The following TRPM3 variants were observed in gnomAD, a reference collection of about 807,000 sequenced individuals.
TRPM3 encodes the protein transient receptor potential cation channel subfamily M member 3.
In TRPM3, 77 loss-of-function variants were observed where a neutral mutation model predicts 181.2. The observed-to-expected ratio is 0.42, with a 90% CI of 0.35 to 0.51. The LOEUF is 0.51. Ranked by LOEUF, TRPM3 falls within the 20% of genes least tolerant of loss-of-function variation. TRPM3 has a pLI of 0.01. For missense variants in TRPM3, 1,759 were observed against 2,196.7 expected, an observed-to-expected ratio of 0.80 and a Z score of 3.98; for synonymous variants, 745 against 796.4, an observed-to-expected ratio of 0.94 and a Z score of 1.09.
At chr9:71,020,186 GACA>G (rs2097832680) in intron 1 of TRPM3, among the ~76,000 whole-genome samples, 1 of 151,910 alleles carries the variant, frequency 6.6e-6, no homozygotes, top group African/African-American at 2.4e-5. Flanking sequence ...TGATACACTG[GACA>G]ACATTAAAAA....
At chr9:70,843,265 A>G in intron 4 of TRPM3, 138 bp from the exon 5 acceptor site, 1 of 877,834 alleles carries the variant, frequency 1.1e-6, no homozygotes, top group Non-Finnish European at 1.7e-6. Context: ...TATACAAACT[A>G]CTTGTATTTA....
intron 1 of TRPM3, among the ~76,000 whole-genome samples, chr9:71,443,563 T>G (rs535327592): frequency 6.6e-6 from 1 of 152,282 alleles, no homozygotes. Flanking sequence ...ACTGTAGGCC[T>G]GCCATACTCC....
At chr9:70,650,075 A>G (rs1589790078) in intron 9 of TRPM3, among the ~76,000 whole-genome samples, 1 of 152,164 alleles carries the variant, frequency 6.6e-6, no homozygotes, top group African/African-American at 2.4e-5. Flanking sequence ...CCAAATGTCA[A>G]TGTTCTCACT....
chr9:71,159,979 T>A (rs1238305180), intron 1 of TRPM3, among the ~76,000 whole-genome samples: 1 of 152,096 alleles, frequency 6.6e-6, no homozygotes, highest in East Asian at 1.9e-4. Context: ...AAACCTTCTA[T>A]CAGACCCTAT....
At chr9:70,828,975 G>A (rs1469770392) in intron 5 of TRPM3, among the ~76,000 whole-genome samples, 1 of 152,032 alleles carries the variant, frequency 6.6e-6, no homozygotes, top group Non-Finnish European at 1.5e-5. Context: ...TAAGATGATG[G>A]GTTGGAAATC....
At chr9:70,615,173 T>G (rs2062595106) in intron 18 of TRPM3, among the ~76,000 whole-genome samples, 1 of 152,198 alleles carries the variant, frequency 6.6e-6, no homozygotes, top group Non-Finnish European at 1.5e-5. Flanking sequence ...ACAGCAATGG[T>G]CATTGGTGGG....
At chr9:71,137,705 G>A (rs899156971) in intron 1 of TRPM3, among the ~76,000 whole-genome samples, 1 of 152,200 alleles carries the variant, frequency 6.6e-6, no homozygotes, top group African/African-American at 2.4e-5. Context: ...ATGCAAGAGA[G>A]TTCTGTAAAA....
At chr9:71,429,534 C>A (rs1420289990) in intron 1 of TRPM3, among the ~76,000 whole-genome samples, 2 of 152,166 alleles carry the variant, frequency 1.3e-5, no homozygotes, top group Non-Finnish European at 2.9e-5. Context: ...CATGTCACTG[C>A]AGTTGAATCT....
chr9:71,089,219 CATT>C (rs1039629349), intron 1 of TRPM3, among the ~76,000 whole-genome samples: 2 of 147,402 alleles, frequency 1.4e-5, no homozygotes, highest in African/African-American at 5.0e-5. Context: ...TCATATATAA[CATT>C]ATATTTGCTT....
intron 1 of TRPM3, among the ~76,000 whole-genome samples, chr9:71,184,632 T>G (rs535727489): frequency 1.1e-4 from 17 of 152,258 alleles, no homozygotes; most frequent in African/African-American, 3.6e-4. Context: ...AGTGTTAACC[T>G]AGAACTAGCC....
rs766892514 is a variant in TRPM3 at position 70,843,118 on chromosome 9, C to T, written c.686G>A (p.Arg229His). The stretch of plus-strand genomic sequence containing the variant: ...ATCCTTCAAGGCATCGCCAACATGA[C>T]GAATAACACCTAAAAAAAAAAGAGA... Reference protein sequence around the residue: ...FTGGVNTGVIRHVGDALKDHA... With the variant: ...FTGGVNTGVIHHVGDALKDHA... Residue 229 changes from arginine (R) to histidine (H), a missense_variant, in exon 5 of 26, where the codon CGT (arginine) becomes CAT (histidine). This residue lies in a region of TRPM3 where 737 missense variants were observed against 957.4 expected (regional missense o/e 0.77). Transcript: ENST00000677713. 29 of 1,548,076 alleles carry T rather than the reference C, an allele frequency of 1.9e-5. No individual in the cohort carries two copies. In the East Asian group the frequency reaches 2.3e-4, roughly 12 times the overall value.
In TRPM3 at chr9:71,046,142, C is replaced by T. The variant is rs192587516; in HGVS notation, c.177+75036G>A. Reference sequence around the variant, plus strand: ...AGTAGCTGCAATTACAAGCGCCCCACGCCCGGCTAATTTTTTGTATTTTTA... The same window carrying T: ...AGTAGCTGCAATTACAAGCGCCCCATGCCCGGCTAATTTTTTGTATTTTTA... On this transcript the variant is annotated intron_variant, in intron 1 of 25. Transcript: ENST00000677713. Among the ~76,000 whole-genome samples, 1,261 of 152,146 alleles carry T rather than the reference C, an allele frequency of 8.3e-3. 12 individuals are homozygous for T. Among genetic ancestry groups the T allele is most frequent in the South Asian group, 0.015 (72 of 4,820 alleles).
At chr9:70,948,902 T>A (rs568655597) in intron 1 of TRPM3, among the ~76,000 whole-genome samples, 1 of 152,326 alleles carries the variant, frequency 6.6e-6, no homozygotes, top group South Asian at 2.1e-4. Context: ...AAAAGTTTCA[T>A]CATATTGTAT....
At chr9:71,027,182 G>A (rs1268244803) in intron 1 of TRPM3, among the ~76,000 whole-genome samples, 1 of 152,172 alleles carries the variant, frequency 6.6e-6, no homozygotes, top group Non-Finnish European at 1.5e-5. Context: ...CAGAGTAAGA[G>A]CATACTGTCT....
chr9:71,422,427 C>A (rs2093793254), intron 1 of TRPM3, among the ~76,000 whole-genome samples: 1 of 152,046 alleles, frequency 6.6e-6, no homozygotes, highest in Non-Finnish European at 1.5e-5. Context: ...ACATTTGAGA[C>A]CCCTCGATCT....
intron 1 of TRPM3, among the ~76,000 whole-genome samples, chr9:71,095,197 G>A (rs2066928891): frequency 6.6e-6 from 1 of 152,214 alleles, no homozygotes; most frequent in Non-Finnish European, 1.5e-5. Context: ...ACATTTGGCT[G>A]TTAAAATTTA....
intron 1 of TRPM3, among the ~76,000 whole-genome samples, chr9:71,237,834 C>A (rs2081447186): frequency 6.6e-6 from 1 of 152,156 alleles, no homozygotes; most frequent in Admixed American, 6.5e-5. Flanking sequence ...CTTGCTGCTA[C>A]CTTACGTGAC....
intron 1 of TRPM3, among the ~76,000 whole-genome samples, chr9:70,881,506 A>C (rs1244153593): frequency 6.6e-6 from 1 of 152,156 alleles, no homozygotes; most frequent in Non-Finnish European, 1.5e-5. Context: ...ATTATGACTT[A>C]ACGCATTGTT....
chr9:71,367,655 T>A (rs559097260), intron 1 of TRPM3, among the ~76,000 whole-genome samples: 34 of 152,122 alleles, frequency 2.2e-4, no homozygotes, highest in Admixed American at 6.5e-5. Context: ...TCTAAGCTCA[T>A]CGAAACCATC....
Sources: gnomAD v4.1 joint callset for allele counts (sites outside exome capture counted in the v4.1 genomes callset) on GRCh38, gnomAD v4.1.1 for gene constraint, gnomAD v4.1.1 regional missense constraint, MANE v1.5 for transcripts, NCBI Gene and HGNC (gene_info 2026-07-23, HGNC 2026-07-21) for gene names.